PSMA5: variants seen among roughly 807,000 people sequenced by gnomAD.
PSMA5 encodes proteasome subunit alpha type-5.
Under a neutral mutation model 34.5 loss-of-function variants are expected in PSMA5, and 3 were observed. The ratio of observed to expected loss-of-function variants is 0.09; its 90% CI spans 0.04 to 0.22. PSMA5 has a LOEUF of 0.22. Among genes scored for constraint, PSMA5 ranks in the 10% least tolerant of loss-of-function variants. PSMA5 has a pLI of 1.00. For synonymous variants in PSMA5, 88 were observed against 95.8 expected, an observed-to-expected ratio of 0.92 and a Z score of 0.47; for missense variants, 120 against 286.1, an observed-to-expected ratio of 0.42 and a Z score of 4.19.
chr1:109,412,969 A>G, intron 4 of PSMA5, 99 bp downstream of exon 4: 1 of 1,011,384 alleles, frequency 9.9e-7, no homozygotes, highest in Non-Finnish European at 1.5e-6. Flanking sequence ...GCCACATCTA[A>G]TATTGACACA....
rs1653511067 is a variant in PSMA5, at chr1:109,401,328, A to C, written c.*685T>G. Reference sequence around the variant, plus strand: ...ATCAAGACCCAAGAACTGGTACAACACTGTTGATGGCTGATTCCAACCCAT... The same window carrying C: ...ATCAAGACCCAAGAACTGGTACAACCCTGTTGATGGCTGATTCCAACCCAT... On this transcript the variant is annotated 3_prime_UTR_variant, in exon 9 of 9. Coordinates refer to ENST00000271308, the MANE Select transcript of PSMA5 (RefSeq NM_002790.4). 1 of 152,156 alleles carries C rather than the reference A, an allele frequency of 6.6e-6. No individual in the cohort carries two copies. Among genetic ancestry groups the C allele is most frequent in the Non-Finnish European group, 1.5e-5 (1 of 68,024 alleles). The allele number at this position is 152,156 out of a possible 1,614,324, so 9.4% of individuals were successfully genotyped here.
At chr1:109,407,922 G>A (rs1369401833) in intron 8 of PSMA5, among the ~76,000 whole-genome samples, 3 of 152,090 alleles carry the variant, frequency 2.0e-5, no homozygotes, top group African/African-American at 7.2e-5. Flanking sequence ...TGGGATTACT[G>A]GCCTCAACTA....
At chr1:109,402,836 G>C (rs574702456) in intron 8 of PSMA5, among the ~76,000 whole-genome samples, 5 of 152,128 alleles carry the variant, frequency 3.3e-5, no homozygotes, top group Non-Finnish European at 7.4e-5. Context: ...CTCTCGAGTA[G>C]CTGGGATTAC....
At chr1:109,407,788 C>G (rs540064484) in intron 8 of PSMA5, among the ~76,000 whole-genome samples, 30 of 152,096 alleles carry the variant, frequency 2.0e-4, no homozygotes, top group African/African-American at 7.2e-4. Context: ...ATTACAGGCA[C>G]GCACCACCAC....
At chr1:109,408,221 C>T (rs1653859607) in intron 8 of PSMA5, among the ~76,000 whole-genome samples, 1 of 152,146 alleles carries the variant, frequency 6.6e-6, no homozygotes, top group South Asian at 2.1e-4. Flanking sequence ...CCTTACCGTC[C>T]CCCACCATCT....
At chr1:109,421,061 A>T (rs1338923472) in intron 2 of PSMA5, among the ~76,000 whole-genome samples, 1 of 151,210 alleles carries the variant, frequency 6.6e-6, no homozygotes, top group East Asian at 1.9e-4. Flanking sequence ...TGGTGCACAC[A>T]TCTGTACCCT....
chr1:109,425,984 A>T, intron 1 of PSMA5: 1 of 511,262 alleles, frequency 2.0e-6, no homozygotes, highest in South Asian at 2.6e-5. Flanking sequence ...TGAACGGAGC[A>T]AAGAGTGACC....
chr1:109,415,433 C>T (rs754462696), intron 2 of PSMA5, 70 bp from the exon 3 acceptor site: 38 of 1,462,078 alleles, frequency 2.6e-5, no homozygotes, highest in Non-Finnish European at 3.2e-5. Flanking sequence ...CCAGATAGCT[C>T]TCTGTAAATC....
At chr1:109,404,612 T>G (rs1653671767) in intron 8 of PSMA5, among the ~76,000 whole-genome samples, 1 of 152,216 alleles carries the variant, frequency 6.6e-6, no homozygotes, top group South Asian at 2.1e-4. Flanking sequence ...CATCACTAGA[T>G]AAGTAAAAAT....
chr1:109,426,189 G>T, intron 1 of PSMA5, 113 bp downstream of exon 1: 1 of 1,423,670 alleles, frequency 7.0e-7, no homozygotes, highest in Non-Finnish European at 9.9e-7. Context: ...CCCAGGTCCG[G>T]CCAGTCTCGG....
chr1:109,421,253 G>A (rs986597728), intron 2 of PSMA5, among the ~76,000 whole-genome samples: 2 of 151,830 alleles, frequency 1.3e-5, no homozygotes, highest in Non-Finnish European at 2.9e-5. Flanking sequence ...GAACACAAAG[G>A]TGGGCTGTGC....
intron 2 of PSMA5, among the ~76,000 whole-genome samples, chr1:109,415,808 C>T (rs890738720): frequency 2.6e-5 from 4 of 152,182 alleles, no homozygotes; most frequent in African/African-American, 9.6e-5. Context: ...GGCCTCTTTT[C>T]ACCTCTGCCA....
Position 109,421,857 on chromosome 1 carries a change from T to C in PSMA5, c.96+3A>G, listed in dbSNP as rs1557845696. The C allele has an allele frequency of 6.4e-7, 1 of 1,556,562 alleles. No individual in the cohort carries two copies. The highest frequency in any genetic ancestry group is 8.6e-7 in the Non-Finnish European group (1 of 1,158,784). On this transcript the variant is annotated splice_donor_region_variant and intron_variant, in intron 2 of 8. Transcript: ENST00000271308. ...TCAGGACCTATGCTACTTGCTACTA[T>C]ACCTTGATAGCCTCAATGGCATATT...
chr1:109,410,925 C>A, intron 7 of PSMA5, 86 bp downstream of exon 7: 2 of 1,020,736 alleles, frequency 2.0e-6, no homozygotes, highest in South Asian at 1.5e-5. Flanking sequence ...CAAAACAGAA[C>A]TGAACTCTTA....
At chr1:109,421,722 A>G in intron 2 of PSMA5, 138 bp downstream of exon 2, 1 of 676,426 alleles carries the variant, frequency 1.5e-6, no homozygotes, top group Middle Eastern at 2.4e-4. Context: ...TGTTATAAAA[A>G]TGGTTAACAG....
At chr1:109,421,816 A>T in intron 2 of PSMA5, 44 bp downstream of exon 2, 1 of 1,447,286 alleles carries the variant, frequency 6.9e-7, no homozygotes, top group Non-Finnish European at 9.4e-7. Flanking sequence ...GCAAAATGTT[A>T]GGTAGCCATG....
chr1:109,409,979 G>A lies in PSMA5; in HGVS notation c.597C>T (p.Leu199=). 6.2e-7 allele frequency: 1 copy of A among 1,609,312 alleles called. No homozygotes were observed. Among genetic ancestry groups the A allele is most frequent in the South Asian group, 1.1e-5 (1 of 90,606 alleles). ...CCTCCATTACTTGTTTGAGGATGATGAGTGAAGACTTGATGGCTTCTTTCA... is the reference window on the plus strand; with the variant it reads ...CCTCCATTACTTGTTTGAGGATGATAAGTGAAGACTTGATGGCTTCTTTCA... ...MTLKEAIKSS[L]IILKQVMEEK... is the part of the protein sequence containing the mutation. Residue 199 remains leucine, a synonymous_variant, in exon 8 of 9, where the codon CTC becomes CTT. Transcript: ENST00000271308.
intron 8 of PSMA5, among the ~76,000 whole-genome samples, chr1:109,409,049 TA>T (rs1354861135): frequency 3.9e-5 from 6 of 152,056 alleles, no homozygotes; most frequent in Admixed American, 1.3e-4. Context: ...TTCCACATCC[TA>T]AAAAAGACAC....
At chr1:109,413,595 T>C (rs1434307509) in intron 3 of PSMA5, among the ~76,000 whole-genome samples, 1 of 152,226 alleles carries the variant, frequency 6.6e-6, no homozygotes, top group Non-Finnish European at 1.5e-5. Flanking sequence ...CAACTAGTTA[T>C]ATCAGAGAGA....
Sources: allele counts gnomAD v4.1 joint callset (sites outside exome capture counted in the v4.1 genomes callset), GRCh38; gene constraint gnomAD v4.1.1; transcripts MANE v1.5; gene names NCBI Gene and HGNC (gene_info 2026-07-23, HGNC 2026-07-21).